Variants in ZFPM2 observed in about 807,000 individuals in gnomAD.
The protein encoded by ZFPM2 is zinc finger protein ZFPM2.
Under a neutral mutation model 98.6 loss-of-function variants are expected in ZFPM2, and 20 were observed. That is an observed-to-expected ratio of 0.20 (90% CI 0.14 to 0.29). The LOEUF (loss-of-function observed/expected upper bound fraction) is 0.29, where lower values mean the gene tolerates loss of function less well. Among genes scored for constraint, ZFPM2 ranks in the 10% least tolerant of loss-of-function variants. The probability of loss-of-function intolerance (pLI) is 1.00; values close to 1 mark genes in which losing one functional copy is unlikely to be tolerated. For missense variants in ZFPM2, 1,310 were observed against 1,388.6 expected, an observed-to-expected ratio of 0.94 and a Z score of 0.90; for synonymous variants, 518 against 502.7, an observed-to-expected ratio of 1.03 and a Z score of -0.41.
At chr8:105,726,810 C>T (rs1186533542) in intron 5 of ZFPM2, among the ~76,000 whole-genome samples, 2 of 151,422 alleles carry the variant, frequency 1.3e-5, no homozygotes, top group Admixed American at 1.3e-4. Flanking sequence ...GGAAGGAGAC[C>T]GTGAATTAAG....
chr8:105,487,448 T>G (rs1813252349), intron 3 of ZFPM2, among the ~76,000 whole-genome samples: 1 of 152,186 alleles, frequency 6.6e-6, no homozygotes, highest in African/African-American at 2.4e-5. Flanking sequence ...ATCTAAGTTT[T>G]AATTTATTCA....
chr8:105,509,855 A>T (rs1813779646), intron 3 of ZFPM2, among the ~76,000 whole-genome samples: 1 of 152,174 alleles, frequency 6.6e-6, no homozygotes, highest in Admixed American at 6.5e-5. Flanking sequence ...TTTTGTGGTA[A>T]ATTTTTATGC....
intron 1 of ZFPM2, among the ~76,000 whole-genome samples, chr8:105,359,775 A>T (rs1812821517): frequency 6.6e-6 from 1 of 152,208 alleles, no homozygotes; most frequent in Non-Finnish European, 1.5e-5. Context: ...CTGATCTCTC[A>T]TCCATCATTA....
intron 1 of ZFPM2, among the ~76,000 whole-genome samples, chr8:105,415,280 A>T (rs1209998765): frequency 6.6e-6 from 1 of 152,100 alleles, no homozygotes; most frequent in African/African-American, 2.4e-5. Context: ...TAGCTTGAGG[A>T]TGTAAAACTA....
intron 3 of ZFPM2, among the ~76,000 whole-genome samples, chr8:105,559,171 G>A (rs1445806728): frequency 6.6e-6 from 1 of 152,126 alleles, no homozygotes. Context: ...AACATTTTCA[G>A]AGGAAAATCT....
intron 3 of ZFPM2, among the ~76,000 whole-genome samples, chr8:105,493,370 A>G (rs1478289329): frequency 1.3e-5 from 2 of 152,222 alleles, no homozygotes; most frequent in African/African-American, 4.8e-5. Context: ...AAAAGCAGGT[A>G]TTTGAAAGTG....
At chr8:105,442,292 C>T (rs1239444673) in intron 2 of ZFPM2, among the ~76,000 whole-genome samples, 4 of 151,986 alleles carry the variant, frequency 2.6e-5, no homozygotes, top group Non-Finnish European at 5.9e-5. Context: ...TGCAGTGAGC[C>T]GAGATCGCGC....
chr8:105,482,381 A>G (rs1050560749), intron 3 of ZFPM2, among the ~76,000 whole-genome samples: 1 of 152,118 alleles, frequency 6.6e-6, no homozygotes, highest in African/African-American at 2.4e-5. Flanking sequence ...GCAGATTTTT[A>G]AAAAATTAAA....
At chr8:105,499,832 G>T (rs1380747992) in intron 3 of ZFPM2, among the ~76,000 whole-genome samples, 2 of 152,188 alleles carry the variant, frequency 1.3e-5, no homozygotes, top group Non-Finnish European at 2.9e-5. Flanking sequence ...GAGGTTGGGG[G>T]AAGTTTGGAG....
chr8:105,769,226 T>A (rs921245070), intron 5 of ZFPM2, among the ~76,000 whole-genome samples: 13 of 152,020 alleles, frequency 8.6e-5, no homozygotes, highest in African/African-American at 3.1e-4. Context: ...CCCATTATCT[T>A]ACATTTATAT....
intron 3 of ZFPM2, among the ~76,000 whole-genome samples, chr8:105,492,328 A>C (rs1813371433): frequency 6.6e-6 from 1 of 152,186 alleles, no homozygotes; most frequent in Non-Finnish European, 1.5e-5. Flanking sequence ...CCAACTTTAC[A>C]TACTTTGACA....
At chr8:105,348,416 G>A (rs1295038219) in intron 1 of ZFPM2, among the ~76,000 whole-genome samples, 6 of 152,138 alleles carry the variant, frequency 3.9e-5, no homozygotes, top group Admixed American at 6.6e-5. Flanking sequence ...TCAGGTTTTC[G>A]TAATGGCTAG....
At chr8:105,484,777 G>A (rs1813196141) in intron 3 of ZFPM2, among the ~76,000 whole-genome samples, 1 of 152,178 alleles carries the variant, frequency 6.6e-6, no homozygotes, top group South Asian at 2.1e-4. Context: ...CTAATTTGGG[G>A]TTGTGAGCTT....
chr8:105,719,432 TTTGA>T (rs2130992485), intron 5 of ZFPM2, among the ~76,000 whole-genome samples: 1 of 151,990 alleles, frequency 6.6e-6, no homozygotes, highest in Non-Finnish European at 1.5e-5. Flanking sequence ...TAAATCAGAC[TTTGA>T]TAGAGAGGCT....
intron 4 of ZFPM2, among the ~76,000 whole-genome samples, chr8:105,596,184 T>C (rs372795138): frequency 2.6e-5 from 4 of 152,084 alleles, no homozygotes; most frequent in East Asian, 3.9e-4. Context: ...AATGAAAATA[T>C]GTTTGGCTCT....
chr8:105,585,661 A>G (rs138567339), intron 4 of ZFPM2, among the ~76,000 whole-genome samples: 76 of 152,274 alleles, frequency 5.0e-4, no homozygotes, highest in Middle Eastern at 3.4e-3. Context: ...TGCAATTACT[A>G]TACAGTAGGC....
intron 2 of ZFPM2, among the ~76,000 whole-genome samples, chr8:105,421,780 C>T (rs546764846): frequency 2.6e-5 from 4 of 152,200 alleles, no homozygotes; most frequent in South Asian, 4.1e-4. Context: ...GTTGCCAGGC[C>T]GGTGACTCAC....
intron 3 of ZFPM2, among the ~76,000 whole-genome samples, chr8:105,460,857 A>G (rs1812692204): frequency 6.6e-6 from 1 of 152,026 alleles, no homozygotes; most frequent in African/African-American, 2.4e-5. Context: ...AAATGTAACA[A>G]TTATTTTATA....
chr8:105,420,667 T>G (rs1423132597), intron 2 of ZFPM2, among the ~76,000 whole-genome samples: 1 of 152,176 alleles, frequency 6.6e-6, no homozygotes, highest in African/African-American at 2.4e-5. Context: ...GCTAGAACCA[T>G]TAAATTGATG....
Sources: gnomAD v4.1 joint callset for allele counts (sites outside exome capture counted in the v4.1 genomes callset) on GRCh38, gnomAD v4.1.1 for gene constraint, MANE v1.5 for transcripts, NCBI Gene and HGNC (gene_info 2026-07-23, HGNC 2026-07-21) for gene names.